COL23A1: variants seen among roughly 807,000 people sequenced by gnomAD.
COL23A1 encodes the protein collagen type XXIII alpha 1 chain.
Under a neutral mutation model 99.3 loss-of-function variants are expected in COL23A1, and 97 were observed. That is an observed-to-expected ratio of 0.98 (90% CI 0.83 to 1.16). The LOEUF (loss-of-function observed/expected upper bound fraction) is 1.16. Ranked by LOEUF, COL23A1 falls within the 50% of genes most tolerant of loss-of-function variation. COL23A1 has a pLI of 0.00. For synonymous variants in COL23A1, 320 were observed against 308.2 expected (o/e 1.04, Z -0.40); for missense variants, 762 against 757.4 (o/e 1.01, Z -0.07).
intron 2 of COL23A1, among the ~76,000 whole-genome samples, chr5:178,542,695 G>A (rs1302991639): frequency 6.6e-6 from 1 of 151,908 alleles, no homozygotes; most frequent in East Asian, 1.9e-4. Context: ...AAGGTGGAGA[G>A]GAAGGGGGAG....
At chr5:178,449,830 G>T (rs765348417) in intron 2 of COL23A1, among the ~76,000 whole-genome samples, 5 of 152,060 alleles carry the variant, frequency 3.3e-5, no homozygotes, top group Admixed American at 3.3e-4. Flanking sequence ...GGCATCCAGC[G>T]CCGGTTAGTA....
At chr5:178,547,591 ACAAC>A (rs1761685370) in intron 2 of COL23A1, among the ~76,000 whole-genome samples, 9 of 17,406 alleles carry the variant, frequency 5.2e-4, no homozygotes, top group Non-Finnish European at 6.3e-4. Context: ...CCACACCCCC[ACAAC>A]CACCCACACA....
At chr5:178,286,126 G>A (rs1757137670) in intron 5 of COL23A1, among the ~76,000 whole-genome samples, 1 of 152,182 alleles carries the variant, frequency 6.6e-6, no homozygotes, top group South Asian at 2.1e-4. Flanking sequence ...CTGGGGCTGG[G>A]CGACCTCAGG....
chr5:178,330,721 T>G (rs1029630208), intron 2 of COL23A1, among the ~76,000 whole-genome samples: 1 of 151,862 alleles, frequency 6.6e-6, no homozygotes, highest in African/African-American at 2.4e-5. Flanking sequence ...ATCTGTCCCT[T>G]GACACGTCTC....
chr5:178,332,242 C>A (rs551901208), intron 2 of COL23A1, among the ~76,000 whole-genome samples: 8 of 152,256 alleles, frequency 5.3e-5, no homozygotes, highest in African/African-American at 1.4e-4. Context: ...ACAGCGCAAG[C>A]CCCACCTTCC....
At chr5:178,408,915 A>T (rs1449571871) in intron 2 of COL23A1, among the ~76,000 whole-genome samples, 2 of 146,424 alleles carry the variant, frequency 1.4e-5, no homozygotes, top group African/African-American at 2.6e-5. Flanking sequence ...AGACCGTGCC[A>T]CTGCACTCCA....
intron 2 of COL23A1, among the ~76,000 whole-genome samples, chr5:178,546,156 A>G (rs1170996505): frequency 6.6e-6 from 1 of 151,958 alleles, no homozygotes; most frequent in Non-Finnish European, 1.5e-5. Flanking sequence ...GTAAGACTCT[A>G]TCTCCCCTCC....
chr5:178,240,844 AT>A (rs1764357695), intron 27 of COL23A1, among the ~76,000 whole-genome samples: 1 of 152,186 alleles, frequency 6.6e-6, no homozygotes, highest in Non-Finnish European at 1.5e-5. Context: ...CCACGTCTGA[AT>A]ATCTGTCCAG....
intron 2 of COL23A1, among the ~76,000 whole-genome samples, chr5:178,389,102 G>C (rs1336142197): frequency 6.6e-6 from 1 of 152,106 alleles, no homozygotes; most frequent in South Asian, 2.1e-4. Context: ...AAACCTGGCT[G>C]TCACGCTCCC....
rs150453439 is a variant in COL23A1, at chr5:178,498,387, T to C, written c.361+62295A>G. On this transcript the variant is annotated intron_variant, in intron 2 of 28. Transcript: ENST00000390654. ...CTAGAAGCCAGCAAATGGTAGAATA[T>C]CCTCCGAGTGTTGAAAAAAAAGTAT... Among the ~76,000 whole-genome samples the C allele has an allele frequency of 7.0e-3, 1,050 of 150,182 alleles. 17 individuals are homozygous for C. Among genetic ancestry groups the C allele is most frequent in the African/African-American group, 0.024 (1,001 of 41,056 alleles).
At chr5:178,288,516 C>G (rs780572595) in intron 4 of COL23A1, 166 bp from the exon 5 acceptor site, 11 of 695,570 alleles carry the variant, frequency 1.6e-5, no homozygotes, top group Non-Finnish European at 2.4e-5. Flanking sequence ...GGGGGCAGAG[C>G]AGCCCTTTCC....
chr5:178,262,485 G>A (rs566291690), intron 9 of COL23A1, among the ~76,000 whole-genome samples: 1 of 152,188 alleles, frequency 6.6e-6, no homozygotes, highest in Non-Finnish European at 1.5e-5. Context: ...AGCTGTCCTG[G>A]GGGAATCTGG....
chr5:178,565,994 G>A (rs1048949761), intron 1 of COL23A1, among the ~76,000 whole-genome samples: 11 of 151,764 alleles, frequency 7.2e-5, no homozygotes, highest in Admixed American at 2.6e-4. Flanking sequence ...CGGGCGTAGT[G>A]GCACACATCT....
At chr5:178,329,335 A>C (rs1205757074) in intron 2 of COL23A1, among the ~76,000 whole-genome samples, 1 of 152,138 alleles carries the variant, frequency 6.6e-6, no homozygotes, top group Non-Finnish European at 1.5e-5. Context: ...ACGGGGCCCC[A>C]GTTCCCACTG....
chr5:178,385,711 G>A (rs994481874), intron 2 of COL23A1, among the ~76,000 whole-genome samples: 5 of 152,176 alleles, frequency 3.3e-5, no homozygotes, highest in African/African-American at 9.7e-5. Context: ...TCACACCTGG[G>A]TTCACAGAGC....
intron 2 of COL23A1, among the ~76,000 whole-genome samples, chr5:178,457,833 T>C (rs1056114053): frequency 1.3e-5 from 2 of 152,336 alleles, no homozygotes; most frequent in South Asian, 2.1e-4. Flanking sequence ...TAAAACTAGG[T>C]AGCCTTGAAT....
intron 2 of COL23A1, among the ~76,000 whole-genome samples, chr5:178,550,999 C>T (rs1440211414): frequency 6.6e-6 from 1 of 152,064 alleles, no homozygotes; most frequent in Non-Finnish European, 1.5e-5. Flanking sequence ...CAACAGCAAA[C>T]CGCTTGATTC....
In COL23A1 at chr5:178,262,253, C is replaced by T; in HGVS notation, c.640-1G>A. On this transcript the variant is annotated splice_acceptor_variant, in intron 9 of 28. Coordinates refer to ENST00000390654, the MANE Select transcript of COL23A1 (RefSeq NM_173465.4). LOFTEE classifies it high-confidence loss of function. ...CTTGTCCGGGCTCTCCTTTGGGGCC[C>T]TGCGGAAGTGTGAGGGGACAGCAGT... 6.3e-7 allele frequency: 1 copy of T among 1,581,052 alleles called. No individual in the cohort carries two copies.
At chr5:178,475,662 A>G (rs1038540372) in intron 2 of COL23A1, among the ~76,000 whole-genome samples, 1 of 152,316 alleles carries the variant, frequency 6.6e-6, no homozygotes, top group East Asian at 1.9e-4. Flanking sequence ...CACAGTTTCT[A>G]TAGGTCACAA....
Sources: allele counts gnomAD v4.1 joint callset (sites outside exome capture counted in the v4.1 genomes callset), GRCh38; gene constraint gnomAD v4.1.1; transcripts MANE v1.5; gene names NCBI Gene and HGNC (gene_info 2026-07-23, HGNC 2026-07-21).